Variants in NCKAP1 observed in about 807,000 individuals in gnomAD.
NCKAP1 encodes NCK associated protein 1.
In NCKAP1, 21 loss-of-function variants were observed where a neutral mutation model predicts 151.2. That is an observed-to-expected ratio of 0.14 (90% CI 0.10 to 0.20). NCKAP1 has a LOEUF of 0.20. Ranked by LOEUF, NCKAP1 falls within the 10% of genes least tolerant of loss-of-function variation. The probability of loss-of-function intolerance (pLI) is 1.00; values close to 1 mark genes in which losing one functional copy is unlikely to be tolerated. For synonymous variants in NCKAP1, 484 were observed against 451.8 expected, an observed-to-expected ratio of 1.07 and a Z score of -0.90; for missense variants, 933 against 1,352.1, an observed-to-expected ratio of 0.69 and a Z score of 4.86.
chr2:182,971,684 A>C (rs954216992), intron 15 of NCKAP1, among the ~76,000 whole-genome samples: 1 of 152,202 alleles, frequency 6.6e-6, no homozygotes, highest in South Asian at 2.1e-4. Flanking sequence ...TATAGTAATC[A>C]AAACAGTATG....
rs1430461769 is a variant in NCKAP1, at chr2:182,962,044, G to C, written c.1881+115C>G. 5 of 1,101,642 alleles carry C rather than the reference G, an allele frequency of 4.5e-6. No homozygotes were observed. In the East Asian group the frequency reaches 1.2e-4, roughly 27 times the overall value. The allele number at this position is 1,101,642 out of a possible 1,614,324, so 68.2% of individuals were successfully genotyped here. ...TGGAGTTTCACAGCAGAGGTTTGAG[G>C]TTTACTAATAGTGTGGGAACTAAAG... is the stretch of plus-strand genomic sequence containing the variant. On this transcript the variant is annotated intron_variant, in intron 18 of 30. Transcript: ENST00000361354.
In NCKAP1 at chr2:182,944,711, A is replaced by G. The variant is rs140558940; in HGVS notation, c.2602-2548T>C. Among the ~76,000 whole-genome samples the G allele has an allele frequency of 3.3e-3, 497 of 152,372 alleles. 2 individuals carry two copies. Among genetic ancestry groups the G allele is most frequent in the Middle Eastern group, 0.014 (4 of 294 alleles). ...GTCCTCGGCTAAAACAGGAACTAAA[A>G]TAATTAAGATCACCTTTAAGATAAA... On this transcript the variant is annotated intron_variant, in intron 23 of 30. Coordinates refer to ENST00000361354, the MANE Select transcript of NCKAP1 (RefSeq NM_013436.5).
intron 18 of NCKAP1, among the ~76,000 whole-genome samples, chr2:182,957,997 T>G (rs576456022): frequency 2.6e-5 from 4 of 152,340 alleles, no homozygotes; most frequent in Admixed American, 2.0e-4. Flanking sequence ...AGAACTACTA[T>G]GTGGTGGAGC....
intron 18 of NCKAP1, among the ~76,000 whole-genome samples, chr2:182,959,588 C>T (rs1232691968): frequency 6.6e-6 from 1 of 152,086 alleles, no homozygotes; most frequent in Non-Finnish European, 1.5e-5. Context: ...GGATGTATCT[C>T]AAAATAATAA....
chr2:183,021,867 G>C (rs1320554421), intron 2 of NCKAP1, among the ~76,000 whole-genome samples: 1 of 152,074 alleles, frequency 6.6e-6, no homozygotes, highest in Admixed American at 6.6e-5. Flanking sequence ...ATTAACTGTG[G>C]TACTGGATGC....
At chr2:182,980,590 T>C (rs1173724346) in intron 13 of NCKAP1, among the ~76,000 whole-genome samples, 2 of 151,758 alleles carry the variant, frequency 1.3e-5, no homozygotes, top group East Asian at 1.9e-4. Context: ...AAATATTGAA[T>C]AAATAAATTA....
At chr2:183,007,839 C>T (rs1008777769) in intron 2 of NCKAP1, among the ~76,000 whole-genome samples, 4 of 152,198 alleles carry the variant, frequency 2.6e-5, no homozygotes, top group Non-Finnish European at 4.4e-5. Flanking sequence ...TGGACTCCTA[C>T]GGTAGCACCC....
At chr2:183,002,317 T>A in intron 4 of NCKAP1, 48 bp from the exon 5 acceptor site, 1 of 1,277,096 alleles carries the variant, frequency 7.8e-7, no homozygotes, top group Non-Finnish European at 1.1e-6. Context: ...TTCTTAAAAT[T>A]TTAAACACAC....
At chr2:182,957,636 T>C (rs202142489) in intron 18 of NCKAP1, 40 bp from the exon 19 acceptor site, 2 of 1,595,400 alleles carry the variant, frequency 1.3e-6, no homozygotes, top group East Asian at 2.2e-5. Flanking sequence ...TTACACCAAT[T>C]ACTCTGAAAG....
Position 183,028,071 on chromosome 2 carries a change from C to T in NCKAP1, c.109-4155G>A, listed in dbSNP as rs117412628. ...CGTAATCAAAAGATTTAACAAATTACCAATTCAATTAAACATTTGAGCACT... is the reference window on the plus strand; with the variant it reads ...CGTAATCAAAAGATTTAACAAATTATCAATTCAATTAAACATTTGAGCACT... On this transcript the variant is annotated intron_variant, in intron 1 of 30. Coordinates refer to ENST00000361354, the MANE Select transcript of NCKAP1 (RefSeq NM_013436.5). 2.4e-4 allele frequency among the ~76,000 whole-genome samples: 36 copies of T among 152,038 alleles called. No homozygotes were observed. The East Asian group carries it at 6.8e-3, about 29-fold the overall frequency.
At chr2:182,976,985 G>C in intron 14 of NCKAP1, 34 bp from the exon 15 acceptor site, 1 of 1,349,150 alleles carries the variant, frequency 7.4e-7, no homozygotes, top group Non-Finnish European at 1.0e-6. Context: ...AGATTACAAA[G>C]CAAATTAATG....
At chr2:182,941,937 T>C in intron 24 of NCKAP1, 133 bp downstream of exon 24, 4 of 656,668 alleles carry the variant, frequency 6.1e-6, no homozygotes, top group Non-Finnish European at 7.6e-6. Context: ...AAAAATGTTC[T>C]AGTTCTCTTC....
intron 18 of NCKAP1, among the ~76,000 whole-genome samples, chr2:182,961,303 T>C (rs1039093328): frequency 6.6e-6 from 1 of 152,182 alleles, no homozygotes; most frequent in Non-Finnish European, 1.5e-5. Flanking sequence ...TGCAGCACTA[T>C]TCACAATAGC....
At position 182,910,258 on chromosome 2, in the gene NCKAP1, C is replaced by G. The variant is rs1436404713; in HGVS notation, c.*15444G>C. On this transcript the variant is annotated 3_prime_UTR_variant, in exon 31 of 31. Transcript: ENST00000361354. ...CTGCTGTGGGACAACCCTTGCCACCCCACTCAAGCTACAGTTTTTGATTGA... is the reference window on the plus strand; with the variant it reads ...CTGCTGTGGGACAACCCTTGCCACCGCACTCAAGCTACAGTTTTTGATTGA... 6.6e-6 allele frequency: 1 copy of G among 152,180 alleles called. No homozygotes were observed. Among genetic ancestry groups the G allele is most frequent in the African/African-American group, 2.4e-5 (1 of 41,434 alleles). The allele number at this position is 152,180 out of a possible 1,614,324, so 9.4% of individuals were successfully genotyped here.
rs1699143211 is a variant in NCKAP1 at position 183,038,135 on chromosome 2, C to T, written c.-36G>A. ...GTGCCGCCGCCGCCGCCGGCCGCCT[C>T]GCGCCCAGTCACGGGCCCGCGGCCT... On this transcript the variant is annotated 5_prime_UTR_variant, in exon 1 of 31. Transcript: ENST00000361354. 2 of 1,478,542 alleles carry T rather than the reference C, an allele frequency of 1.4e-6. No individual in the cohort carries two copies. The highest frequency in any genetic ancestry group is 1.4e-5 in the African/African-American group (1 of 68,990). 91.6% of individuals were successfully genotyped at this position (1,478,542 alleles called of 1,614,324 possible).
intron 18 of NCKAP1, among the ~76,000 whole-genome samples, 182 bp from the exon 19 acceptor site, chr2:182,957,778 T>C (rs754939096): frequency 1.3e-5 from 2 of 152,180 alleles, no homozygotes; most frequent in Non-Finnish European, 2.9e-5. Context: ...CATAGCTTGG[T>C]GAAAACAGAA....
At chr2:182,926,729 A>G in intron 30 of NCKAP1, 87 bp downstream of exon 30, 3 of 890,754 alleles carry the variant, frequency 3.4e-6, no homozygotes, top group Non-Finnish European at 5.2e-6. Flanking sequence ...GATCAAAAAA[A>G]GTATTCAATG....
intron 23 of NCKAP1, among the ~76,000 whole-genome samples, chr2:182,950,302 G>C (rs1697188207): frequency 6.6e-6 from 1 of 151,976 alleles, no homozygotes; most frequent in South Asian, 2.1e-4. Flanking sequence ...TAACAAAAAA[G>C]CAAAAAATAA....
intron 2 of NCKAP1, among the ~76,000 whole-genome samples, chr2:183,010,401 C>G (rs1192420000): frequency 6.6e-6 from 1 of 152,174 alleles, no homozygotes; most frequent in African/African-American, 2.4e-5. Context: ...GCCCATCCCC[C>G]AGAATGCACC....
Sources: allele counts gnomAD v4.1 joint callset (sites outside exome capture counted in the v4.1 genomes callset), GRCh38; gene constraint gnomAD v4.1.1; transcripts MANE v1.5; gene names NCBI Gene and HGNC (gene_info 2026-07-23, HGNC 2026-07-21).